The following SMAP1 variants were observed in gnomAD, a reference collection of about 807,000 sequenced individuals.
SMAP1 encodes stromal membrane-associated protein 1.
Under a neutral mutation model 58.5 loss-of-function variants are expected in SMAP1, and 24 were observed. That is an observed-to-expected ratio of 0.41 (90% confidence interval 0.30 to 0.58). SMAP1 has a LOEUF of 0.58. Among genes scored for constraint, SMAP1 ranks in the 20% least tolerant of loss-of-function variants. The pLI, the probability that SMAP1 is intolerant of heterozygous loss-of-function variation, is 0.29. For synonymous variants in SMAP1, 216 were observed against 196.6 expected, an observed-to-expected ratio of 1.10 and a Z score of -0.82; for missense variants, 563 against 566.3, an observed-to-expected ratio of 0.99 and a Z score of 0.06.
At chr6:70,787,207 C>G (rs1768086343) in intron 4 of SMAP1, among the ~76,000 whole-genome samples, 1 of 152,148 alleles carries the variant, frequency 6.6e-6, no homozygotes, top group African/African-American at 2.4e-5. Context: ...GAAACGATTC[C>G]CTTTTTAATA....
At chr6:70,745,350 A>G (rs956436226) in intron 2 of SMAP1, among the ~76,000 whole-genome samples, 116 of 152,302 alleles carry the variant, frequency 7.6e-4, no homozygotes, top group South Asian at 3.1e-3. Flanking sequence ...TAATTTTTGT[A>G]TAAGGTATAA....
intron 1 of SMAP1, among the ~76,000 whole-genome samples, chr6:70,685,661 G>A (rs1445217627): frequency 6.6e-6 from 1 of 152,152 alleles, no homozygotes; most frequent in African/African-American, 2.4e-5. Flanking sequence ...GTAAGTACTG[G>A]GCAGAAATGT....
intron 3 of SMAP1, among the ~76,000 whole-genome samples, chr6:70,772,473 A>T (rs1455014352): frequency 1.3e-5 from 2 of 152,194 alleles, no homozygotes; most frequent in African/African-American, 4.8e-5. Context: ...ATGCATTGAA[A>T]ATAATTATCA....
In SMAP1 at chr6:70,787,468, G is replaced by A. The variant is rs1768103714; in HGVS notation, c.415-4221G>A. Among the ~76,000 whole-genome samples, 5 of 152,102 alleles carry A rather than the reference G, an allele frequency of 3.3e-5. No individual in the cohort carries two copies. In the South Asian group the frequency reaches 1.0e-3, roughly 32 times the overall value. On this transcript the variant is annotated intron_variant, in intron 4 of 10. Coordinates refer to ENST00000370455, the MANE Select transcript of SMAP1 (RefSeq NM_001044305.3). ...ACAAATGGGATCTAATTAAACTAAA[G>A]AGCTTCTGCACAGCAAAAGAAACTA...
At chr6:70,700,433 C>T (rs757809516) in intron 1 of SMAP1, among the ~76,000 whole-genome samples, 4 of 152,086 alleles carry the variant, frequency 2.6e-5, no homozygotes, top group South Asian at 2.1e-4. Context: ...AGAGTAGCTG[C>T]GATTACAGGA....
intron 2 of SMAP1, 123 bp downstream of exon 2, chr6:70,732,634 A>C: frequency 7.6e-6 from 6 of 790,436 alleles, no homozygotes; most frequent in Non-Finnish European, 1.0e-5. Context: ...GGCATATGCC[A>C]CGTATAAAAT....
At chr6:70,703,698 G>A (rs1191611517) in intron 1 of SMAP1, among the ~76,000 whole-genome samples, 2 of 152,292 alleles carry the variant, frequency 1.3e-5, no homozygotes, top group South Asian at 2.1e-4. Context: ...GCACCAATCA[G>A]TACTCAATTA....
intron 3 of SMAP1, among the ~76,000 whole-genome samples, chr6:70,771,837 C>T (rs1307391568): frequency 6.6e-6 from 1 of 152,222 alleles, no homozygotes; most frequent in African/African-American, 2.4e-5. Flanking sequence ...CACCCATCTT[C>T]TGCGTCGCTC....
At position 70,699,814 on chromosome 6, in the gene SMAP1, C is replaced by G. The variant is rs550343255; in HGVS notation, c.118+31673C>G. Among the ~76,000 whole-genome samples, 3 of 152,020 alleles carry G rather than the reference C, an allele frequency of 2.0e-5. No individual in the cohort carries two copies. The South Asian group carries it at 6.2e-4, about 32-fold the overall frequency. Reference sequence around the variant, plus strand: ...TCAAGGCAGTGGGCTCCTCTTTGGCCCAGGGTGGGTCCAGAAATGCCATCC... The same window carrying G: ...TCAAGGCAGTGGGCTCCTCTTTGGCGCAGGGTGGGTCCAGAAATGCCATCC... On this transcript the variant is annotated intron_variant, in intron 1 of 10. Coordinates refer to ENST00000370455, the MANE Select transcript of SMAP1 (RefSeq NM_001044305.3).
chr6:70,823,039 T>C (rs1582259107), intron 6 of SMAP1, among the ~76,000 whole-genome samples: 1 of 152,348 alleles, frequency 6.6e-6, no homozygotes, highest in South Asian at 2.1e-4. Context: ...GCATATTGTC[T>C]ACTTTTTCCA....
At chr6:70,714,682 A>C (rs1359332904) in intron 1 of SMAP1, among the ~76,000 whole-genome samples, 1 of 152,146 alleles carries the variant, frequency 6.6e-6, no homozygotes, top group Non-Finnish European at 1.5e-5. Flanking sequence ...CTTTACTAAC[A>C]AGTTTTGTAC....
chr6:70,831,990 G>A (rs969363237), intron 6 of SMAP1, among the ~76,000 whole-genome samples: 2 of 151,916 alleles, frequency 1.3e-5, no homozygotes, highest in Non-Finnish European at 2.9e-5. Context: ...GTCTCATTGT[G>A]GTTTTGATTT....
intron 10 of SMAP1, 144 bp from the exon 11 acceptor site, chr6:70,860,056 A>G (rs1771641573): frequency 2.3e-6 from 2 of 879,352 alleles, no homozygotes; most frequent in Non-Finnish European, 3.3e-6. Flanking sequence ...TTGCTTTAAG[A>G]AATATTTGTA....
At chr6:70,792,711 A>G (rs575104028) in intron 5 of SMAP1, among the ~76,000 whole-genome samples, 1 of 152,136 alleles carries the variant, frequency 6.6e-6, no homozygotes, top group Non-Finnish European at 1.5e-5. Context: ...TTGCAAGTAG[A>G]ATGGCATAAC....
At chr6:70,684,847 C>T (rs1007913272) in intron 1 of SMAP1, among the ~76,000 whole-genome samples, 1 of 152,162 alleles carries the variant, frequency 6.6e-6, no homozygotes, top group African/African-American at 2.4e-5. Context: ...TTTAGAGGCA[C>T]ACTAGGATAG....
rs143083199 is a variant in SMAP1, at chr6:70,682,624, C to T, written c.118+14483C>T. On this transcript the variant is annotated intron_variant, in intron 1 of 10. Coordinates refer to ENST00000370455, the MANE Select transcript of SMAP1 (RefSeq NM_001044305.3). ...TACTGCTGCTATAAAGCTTTGTGTG[C>T]GCACTTTTTTTTTCAGAATAAAATC... Among the ~76,000 whole-genome samples, 201 of 152,168 alleles carry T rather than the reference C, an allele frequency of 1.3e-3. 3 individuals carry two copies. Among genetic ancestry groups the T allele is most frequent in the Non-Finnish European group, 2.1e-3 (140 of 68,020 alleles).
At chr6:70,770,244 G>A (rs906264509) in intron 3 of SMAP1, among the ~76,000 whole-genome samples, 2 of 151,502 alleles carry the variant, frequency 1.3e-5, no homozygotes, top group African/African-American at 4.9e-5. Flanking sequence ...TGCTCTTCTC[G>A]AGGAGTATCT....
At chr6:70,710,705 T>G (rs576350838) in intron 1 of SMAP1, among the ~76,000 whole-genome samples, 12 of 152,220 alleles carry the variant, frequency 7.9e-5, no homozygotes, top group Admixed American at 4.6e-4. Flanking sequence ...TAAATTAACC[T>G]TAGCTTACTG....
At chr6:70,817,045 A>G (rs527600493) in intron 6 of SMAP1, among the ~76,000 whole-genome samples, 6 of 151,446 alleles carry the variant, frequency 4.0e-5, no homozygotes, top group South Asian at 2.1e-4. Flanking sequence ...CCCACTTCCA[A>G]TCGGTAGATT....
Sources: allele counts gnomAD v4.1 joint callset (sites outside exome capture counted in the v4.1 genomes callset), GRCh38; gene constraint gnomAD v4.1.1; transcripts MANE v1.5; gene names NCBI Gene and HGNC (gene_info 2026-07-23, HGNC 2026-07-21).